IHO1: variants seen among roughly 807,000 people sequenced by gnomAD.
IHO1 encodes interactor of HORMAD1 1.
In IHO1, 13 loss-of-function variants were observed where a neutral mutation model predicts 31.0. The observed-to-expected ratio is 0.42, with a 90% CI of 0.27 to 0.67. The LOEUF (loss-of-function observed/expected upper bound fraction) is 0.67, where lower values mean the gene tolerates loss of function less well. Among genes scored for constraint, IHO1 ranks in the 30% least tolerant of loss-of-function variants. The pLI, the probability that IHO1 is intolerant of heterozygous loss-of-function variation, is 0.24. For synonymous variants in IHO1, 221 were observed against 248.4 expected, an observed-to-expected ratio of 0.89 and a Z score of 1.04; for missense variants, 599 against 687.5, an observed-to-expected ratio of 0.87 and a Z score of 1.44.
intron 1 of IHO1, among the ~76,000 whole-genome samples, chr3:49,206,696 A>T (rs2107681708): frequency 6.6e-6 from 1 of 152,164 alleles, no homozygotes; most frequent in Non-Finnish European, 1.5e-5. Context: ...TCCCAGCTTC[A>T]TTTTACCTAG....
intron 2 of IHO1, among the ~76,000 whole-genome samples, chr3:49,215,565 C>G (rs2046277833): frequency 6.6e-6 from 1 of 152,180 alleles, no homozygotes; most frequent in Admixed American, 6.6e-5. Context: ...GGGGTTCAGT[C>G]TAGGTCCTGC....
At chr3:49,234,786 T>C (rs1358791202) in intron 2 of IHO1, among the ~76,000 whole-genome samples, 1 of 152,146 alleles carries the variant, frequency 6.6e-6, no homozygotes, top group Non-Finnish European at 1.5e-5. Context: ...CTCAGTTACA[T>C]AATTGTTTGG....
chr3:49,248,822 T>C (rs1323323313), intron 6 of IHO1, among the ~76,000 whole-genome samples: 1 of 152,214 alleles, frequency 6.6e-6, no homozygotes, highest in African/African-American at 2.4e-5. Flanking sequence ...ACAAGTAGCC[T>C]ATCCAGAATA....
At chr3:49,210,073 G>C (rs1479835892) in intron 1 of IHO1, among the ~76,000 whole-genome samples, 2 of 150,156 alleles carry the variant, frequency 1.3e-5, no homozygotes, top group Non-Finnish European at 3.0e-5. Context: ...TTGTTGCCTG[G>C]GCTGGAATGC....
chr3:49,216,312 G>A (rs952658254), intron 2 of IHO1, among the ~76,000 whole-genome samples: 5 of 152,118 alleles, frequency 3.3e-5, no homozygotes, highest in African/African-American at 1.2e-4. Flanking sequence ...AATAATTATG[G>A]TCAGGCACAG....
intron 2 of IHO1, among the ~76,000 whole-genome samples, chr3:49,214,208 A>T (rs1411933373): frequency 6.6e-6 from 1 of 152,192 alleles, no homozygotes; most frequent in Non-Finnish European, 1.5e-5. Context: ...CTACTGAAAT[A>T]GCAAGGAGCA....
chr3:49,243,757 C>CAAAAAAAAAA (rs1158612762), intron 4 of IHO1, among the ~76,000 whole-genome samples: 1 of 44,584 alleles, frequency 2.2e-5, no homozygotes, highest in Non-Finnish European at 4.6e-5. Flanking sequence ...GACTCTGTCT[C>CAAAAAAAAAA]AAAAAAAAAA....
At chr3:49,209,433 G>C (rs556925785) in intron 1 of IHO1, among the ~76,000 whole-genome samples, 1 of 151,704 alleles carries the variant, frequency 6.6e-6, no homozygotes, top group Non-Finnish European at 1.5e-5. Context: ...TCAGGAGTTC[G>C]GCCCAACCTG....
the IHO1 span, among the ~76,000 whole-genome samples, chr3:49,193,180 A>C: frequency 6.6e-6 from 1 of 151,486 alleles, no homozygotes; most frequent in African/African-American, 2.4e-5. Context: ...AGACCAGCCT[A>C]GGCAACATGG....
intron 3 of IHO1, among the ~76,000 whole-genome samples, chr3:49,239,413 A>G (rs1355977723): frequency 7.2e-6 from 1 of 138,924 alleles, no homozygotes; most frequent in Non-Finnish European, 1.6e-5. Context: ...TCCTGAGTAG[A>G]TGGGACTATG....
intron 2 of IHO1, among the ~76,000 whole-genome samples, chr3:49,218,178 A>G (rs2046312383): frequency 6.6e-6 from 1 of 151,848 alleles, no homozygotes. Flanking sequence ...CAGGGTCAGC[A>G]GCTTAACTCT....
intron 6 of IHO1, among the ~76,000 whole-genome samples, chr3:49,249,739 T>G (rs1419414287): frequency 1.3e-5 from 2 of 152,244 alleles, no homozygotes; most frequent in African/African-American, 2.4e-5. Flanking sequence ...GGATACATCT[T>G]GTTGGAAAGT....
At chr3:49,194,268 CAA>C (rs200253878), upstream of IHO1, among the ~76,000 whole-genome samples, 99 of 117,588 alleles carry the variant, frequency 8.4e-4, no homozygotes, top group East Asian at 2.2e-3. Flanking sequence ...AACTCTATCT[CAA>C]AAAAAAAAAA....
At chr3:49,219,664 G>A (rs893952313) in intron 2 of IHO1, among the ~76,000 whole-genome samples, 8 of 152,094 alleles carry the variant, frequency 5.3e-5, no homozygotes, top group East Asian at 1.9e-4. Flanking sequence ...GTGCCCATAC[G>A]TGGGGCTCGA....
At chr3:49,240,089 G>A (rs148877314) in intron 3 of IHO1, among the ~76,000 whole-genome samples, 2,036 of 151,252 alleles carry the variant, frequency 0.013, 39 homozygotes, top group Non-Finnish European at 0.015. Flanking sequence ...TCTGTCACCC[G>A]GGCTAGAGTG....
chr3:49,226,019 A>G (rs2046412975), intron 2 of IHO1, among the ~76,000 whole-genome samples: 1 of 152,186 alleles, frequency 6.6e-6, no homozygotes, highest in Non-Finnish European at 1.5e-5. Context: ...TTGCCTTGGC[A>G]TAATGGACAT....
intron 6 of IHO1, chr3:49,252,117 C>T (rs1329489972): frequency 1.3e-5 from 2 of 153,416 alleles, no homozygotes; most frequent in Non-Finnish European, 2.9e-5. Context: ...AGGCGTGAGC[C>T]ACCACGCCCT....
At chr3:49,248,266 C>CA (rs2046720365) in intron 6 of IHO1, among the ~76,000 whole-genome samples, 1 of 150,918 alleles carries the variant, frequency 6.6e-6, no homozygotes, top group Non-Finnish European at 1.5e-5. Flanking sequence ...ACTAAAAATA[C>CA]AAAAAATTAG....
intron 2 of IHO1, among the ~76,000 whole-genome samples, chr3:49,226,118 C>G (rs576614830): frequency 2.0e-5 from 3 of 152,294 alleles, no homozygotes; most frequent in Non-Finnish European, 4.4e-5. Context: ...AGGTAATTGG[C>G]ATGCTCCATT....
Sources: gnomAD v4.1 joint callset for allele counts (sites outside exome capture counted in the v4.1 genomes callset) on GRCh38, gnomAD v4.1.1 for gene constraint, MANE v1.5 for transcripts, NCBI Gene and HGNC (gene_info 2026-07-23, HGNC 2026-07-21) for gene names.